PHTF2: variants seen among roughly 807,000 people sequenced by gnomAD.
The protein encoded by PHTF2 is putative homeodomain transcription factor 2.
A neutral mutation model predicts 101.2 loss-of-function variants in PHTF2; 60 were observed. The observed-to-expected ratio is 0.59, with a 90% CI of 0.48 to 0.73. PHTF2 has a LOEUF of 0.73. Ranked by LOEUF, PHTF2 falls within the 30% of genes least tolerant of loss-of-function variation. The pLI is 0.00. For missense variants in PHTF2, 747 were observed against 908.7 expected, an observed-to-expected ratio of 0.82 and a Z score of 2.29; for synonymous variants, 311 against 307.3, an observed-to-expected ratio of 1.01 and a Z score of -0.13.
At chr7:77,932,621 A>AGAGAGAGTGTGT (rs759880633) in intron 12 of PHTF2, among the ~76,000 whole-genome samples, 332 of 118,546 alleles carry the variant, frequency 2.8e-3, no homozygotes, top group African/African-American at 0.011. Context: ...AGAGAGAGAG[A>AGAGAGAGTGTGT]GTGTGTGTGT....
At chr7:77,828,655 A>G (rs1356269674) in intron 1 of PHTF2, among the ~76,000 whole-genome samples, 4 of 152,150 alleles carry the variant, frequency 2.6e-5, no homozygotes, top group Admixed American at 1.3e-4. Context: ...TTCAAAATAC[A>G]AAATTTATAT....
chr7:77,939,148 A>G (rs1431156666), intron 13 of PHTF2, among the ~76,000 whole-genome samples: 2 of 152,222 alleles, frequency 1.3e-5, no homozygotes, highest in Admixed American at 6.5e-5. Context: ...CCAGTCTAGC[A>G]TACTGGAAGC....
intron 1 of PHTF2, among the ~76,000 whole-genome samples, chr7:77,826,418 A>G (rs776928174): frequency 7.9e-5 from 12 of 152,178 alleles, no homozygotes; most frequent in African/African-American, 1.9e-4. Flanking sequence ...TACAAAAAGT[A>G]TGGAAATAGT....
intron 9 of PHTF2, among the ~76,000 whole-genome samples, chr7:77,916,685 A>C (rs1031229105): frequency 6.6e-6 from 1 of 152,176 alleles, no homozygotes; most frequent in African/African-American, 2.4e-5. Flanking sequence ...AGGATGCTCA[A>C]GTCTCGTGTA....
At position 77,953,780 on chromosome 7, in the gene PHTF2, TC is replaced by T. The variant is rs1277824937; in HGVS notation, c.2225del (p.Pro742LeufsTer9). 1 of 1,613,266 alleles carries T rather than the reference TC, an allele frequency of 6.2e-7. No individual in the cohort carries two copies. The highest frequency in any genetic ancestry group is 2.2e-5 in the East Asian group (1 of 44,846). ...TTCTCTTCTGCTAGGAGTTGGACAG[TC>T]CTTTTAGATTATATGGGCTTACAAT... On this transcript the variant is annotated frameshift_variant, in exon 19 of 20. Coordinates refer to ENST00000416283, the Ensembl canonical transcript of PHTF2. LOFTEE classifies it high-confidence loss of function.
chr7:77,826,816 G>T (rs1794727000), intron 1 of PHTF2, among the ~76,000 whole-genome samples: 1 of 152,208 alleles, frequency 6.6e-6, no homozygotes, highest in Non-Finnish European at 1.5e-5. Flanking sequence ...CAGGAAGCAA[G>T]CAGATGTTCT....
At chr7:77,870,032 G>T (rs1297415544) in intron 3 of PHTF2, among the ~76,000 whole-genome samples, 1 of 152,106 alleles carries the variant, frequency 6.6e-6, no homozygotes, top group Non-Finnish European at 1.5e-5. Context: ...CTCCCATTCT[G>T]CAGGTTGTCT....
intron 3 of PHTF2, among the ~76,000 whole-genome samples, chr7:77,887,094 A>G (rs931443989): frequency 6.6e-6 from 1 of 151,846 alleles, no homozygotes; most frequent in African/African-American, 2.4e-5. Context: ...TAAGGCAGAA[A>G]GGAAAAGTGC....
At chr7:77,932,834 G>C (rs1328175299) in intron 12 of PHTF2, among the ~76,000 whole-genome samples, 1 of 150,662 alleles carries the variant, frequency 6.6e-6, no homozygotes, top group Non-Finnish European at 1.5e-5. Context: ...GCCACACACT[G>C]TGCAAAGTAA....
chr7:77,827,647 C>T (rs1794782698), intron 1 of PHTF2, among the ~76,000 whole-genome samples: 1 of 151,934 alleles, frequency 6.6e-6, no homozygotes, highest in Non-Finnish European at 1.5e-5. Flanking sequence ...CCACTGCGTG[C>T]AGCCTTTTTT....
chr7:77,941,179 A>G (rs1805609976), intron 15 of PHTF2, among the ~76,000 whole-genome samples: 1 of 152,222 alleles, frequency 6.6e-6, no homozygotes, highest in Admixed American at 6.5e-5. Flanking sequence ...AGTTGACCTG[A>G]AGACCAATCA....
intron 3 of PHTF2, among the ~76,000 whole-genome samples, chr7:77,891,515 T>TTTGGTCTAGGTAGC (rs140036429): frequency 0.11 from 16,535 of 151,880 alleles, 1,308 homozygotes; most frequent in African/African-American, 0.22. Flanking sequence ...AAGTATGTTG[T>TTTGGTCTAGGTAGC]TTGGTCTAGG....
intron 1 of PHTF2, among the ~76,000 whole-genome samples, chr7:77,834,774 T>A (rs1795324558): frequency 6.6e-6 from 1 of 152,236 alleles, no homozygotes; most frequent in Non-Finnish European, 1.5e-5. Context: ...TTGCTTTTTA[T>A]CTGCTGTACT....
At chr7:77,856,084 G>A (rs1397939826) in intron 3 of PHTF2, among the ~76,000 whole-genome samples, 1 of 152,074 alleles carries the variant, frequency 6.6e-6, no homozygotes, top group Non-Finnish European at 1.5e-5. Flanking sequence ...ATGATTTCTT[G>A]AAAGTTTTTT....
chr7:77,929,508 G>A (rs1051914443), intron 12 of PHTF2, among the ~76,000 whole-genome samples, 181 bp downstream of exon 11: 2 of 152,108 alleles, frequency 1.3e-5, no homozygotes, highest in African/African-American at 4.8e-5. Flanking sequence ...CTTATATTGT[G>A]GTTATGTATG....
chr7:77,878,327 A>G, intron 3 of PHTF2, among the ~76,000 whole-genome samples: 1 of 152,002 alleles, frequency 6.6e-6, no homozygotes, highest in Non-Finnish European at 1.5e-5. Flanking sequence ...CCTGGGTGGG[A>G]TTACAAGACC....
At position 77,953,648 on chromosome 7, in the gene PHTF2, A is replaced by G. The variant is rs574364226; in HGVS notation, c.2212-121A>G. On this transcript the variant is annotated intron_variant, in intron 18 of 19. Transcript: ENST00000416283. ...AAGTTTAACCAAGTTTATCCTTTCT[A>G]AAAGCATCCATAATTGGTAACTTTT... 38 of 732,788 alleles carry G rather than the reference A, an allele frequency of 5.2e-5. No individual in the cohort carries two copies. In the South Asian group the frequency reaches 6.2e-4, roughly 12 times the overall value. 45.4% of individuals were successfully genotyped at this position (732,788 alleles called of 1,614,324 possible). A position where few individuals can be genotyped will look rare whatever the true frequency, so the allele number is the denominator to read the frequency against.
intron 1 of PHTF2, among the ~76,000 whole-genome samples, chr7:77,805,498 C>T (rs1211275123): frequency 6.6e-6 from 1 of 152,158 alleles, no homozygotes; most frequent in African/African-American, 2.4e-5. Flanking sequence ...GGAAGCTTAG[C>T]TCATAATTTG....
In PHTF2 at chr7:77,951,721, A is replaced by C; in HGVS notation, c.2211+9A>C. On this transcript the variant is annotated intron_variant, in intron 18 of 19. Transcript: ENST00000416283. ...CTACTAAACTGCTAAAGGTAAGAATAGAACTGAAAATGGTTATAATGTCAA... is the reference window on the plus strand; with the variant it reads ...CTACTAAACTGCTAAAGGTAAGAATCGAACTGAAAATGGTTATAATGTCAA... 8.8e-7 allele frequency: 1 copy of C among 1,142,142 alleles called. No homozygotes were observed. The highest frequency in any genetic ancestry group is 1.3e-6 in the Non-Finnish European group (1 of 797,060). The allele number at this position is 1,142,142 out of a possible 1,614,324, so 70.8% of individuals were successfully genotyped here.
Sources: allele counts gnomAD v4.1 joint callset (sites outside exome capture counted in the v4.1 genomes callset), GRCh38; gene constraint gnomAD v4.1.1; transcripts MANE v1.5; gene names NCBI Gene and HGNC (gene_info 2026-07-23, HGNC 2026-07-21).